Variants in ADGRL1 observed in about 807,000 individuals in gnomAD.
ADGRL1 encodes CIRL-1.
ADGRL1 carries 31 observed loss-of-function variants against 148.9 expected under a neutral mutation model. The observed-to-expected ratio is 0.21, with a 90% CI of 0.16 to 0.28. The LOEUF (loss-of-function observed/expected upper bound fraction) is 0.28. Among genes scored for constraint, ADGRL1 ranks in the 10% least tolerant of loss-of-function variants. The pLI is 1.00. For missense variants in ADGRL1, 1,521 were observed against 2,058.8 expected (o/e 0.74, Z 5.05); for synonymous variants, 937 against 900.3 (o/e 1.04, Z -0.73).
At position 14,162,825 on chromosome 19, in the gene ADGRL1, C is replaced by T. The variant is rs1969538100; in HGVS notation, c.976G>A (p.Val326Met). The stretch of plus-strand genomic sequence containing the variant: ...GCCTCGCTGTCATCATCCACGTACA[C>T]GGAACGCAGGACGTACAGGACCCCA... ...VCGVLYVLRS[V>M]YVDDDSEAAG... The change falls in exon 5 of 23, where the codon GTG becomes ATG. Residue 326 changes from valine (V) to methionine (M), a missense_variant. Val to Met is a conservative substitution (Grantham distance 21). This residue lies in a region of ADGRL1 where 334 missense variants were observed against 512.5 expected (regional missense o/e 0.65). Coordinates refer to ENST00000361434, the MANE Select transcript of ADGRL1 (RefSeq NM_014921.5). The surrounding 1 kb of genome is among the most constrained non-coding windows in gnomAD (Gnocchi z 5.4). 1.2e-5 allele frequency: 19 copies of T among 1,614,020 alleles called. No homozygotes were observed. The highest frequency in any genetic ancestry group is 1.6e-5 in the Non-Finnish European group (19 of 1,180,000).
intron 1 of ADGRL1, among the ~76,000 whole-genome samples, chr19:14,205,630 G>A (rs1184152170): frequency 1.3e-5 from 2 of 151,196 alleles, no homozygotes; most frequent in African/African-American, 4.9e-5. Context: ...GCACCGCCGC[G>A]CCGCTTCCCC....
At position 14,155,812 on chromosome 19, in the gene ADGRL1, A is replaced by G. The variant is rs892986250; in HGVS notation, c.3126-285T>C. 8.7e-5 allele frequency: 50 copies of G among 574,906 alleles called. No individual in the cohort carries two copies. The highest frequency in any genetic ancestry group is 3.7e-5 in the Non-Finnish European group (12 of 322,460). The allele number at this position is 574,906 out of a possible 1,614,324, so 35.6% of individuals were successfully genotyped here. On this transcript the variant is annotated intron_variant, in intron 17 of 22. Coordinates refer to ENST00000361434, the MANE Select transcript of ADGRL1 (RefSeq NM_014921.5). The surrounding 1 kb of genome is among the most constrained non-coding windows in gnomAD (Gnocchi z 5.0). ...GCTAAATTTCCAGACCACTTAGGCT[A>G]TATTTGCTGCCTATTTCTCTTTAAG... is the stretch of plus-strand genomic sequence containing the variant.
At chr19:14,171,709 G>A (rs780220140) in intron 3 of ADGRL1, among the ~76,000 whole-genome samples, 1 of 152,166 alleles carries the variant, frequency 6.6e-6, no homozygotes, top group African/African-American at 2.4e-5. Context: ...TATAGCCAGG[G>A]CAGCCAGGAG....
chr19:14,196,246 A>G (rs1351407649), intron 1 of ADGRL1, among the ~76,000 whole-genome samples: 1 of 152,212 alleles, frequency 6.6e-6, no homozygotes, highest in African/African-American at 2.4e-5. Context: ...CATCTAAGTC[A>G]GCCGCTTCCC....
At position 14,151,230 on chromosome 19, in the gene ADGRL1, G is replaced by A. The variant is rs748550303; in HGVS notation, c.4053C>T (p.Ser1351=). The A allele has an allele frequency of 3.7e-5, 60 of 1,612,050 alleles. No homozygotes were observed. The highest frequency in any genetic ancestry group is 5.0e-5 in the Admixed American group (3 of 60,008). ...LPRAQSVLYQ[S]DLDESESCTA... ...TGCAGCTCTCCGACTCGTCCAGATC[G>A]CTCTGGTACAGCACCGACTGGGCCC... is the stretch of plus-strand genomic sequence containing the variant. Residue 1351 remains serine (S), a synonymous_variant, in exon 23 of 23, where the codon AGC becomes AGT. Coordinates refer to ENST00000361434, the MANE Select transcript of ADGRL1 (RefSeq NM_014921.5).
chr19:14,163,316 G>A lies in ADGRL1; in HGVS notation c.485C>T (p.Pro162Leu), dbSNP rs1321291756. The change falls in exon 5 of 23, where the codon CCG becomes CTG. Residue 162 changes from proline (P) to leucine (L), a missense_variant. By Grantham distance (98) the Pro-to-Leu change is moderately conservative. Around this residue, in one of 8 missense-constraint regions of ADGRL1, gnomAD observed 334 missense variants for 512.5 expected, o/e 0.65. Transcript: ENST00000361434. Reference protein sequence around the residue: ...EHQSGAWCKDPLQAGDRIYVM... With the variant: ...EHQSGAWCKDLLQAGDRIYVM... The stretch of plus-strand genomic sequence containing the variant: ...GTAGATGCGGTCACCCGCCTGCAGC[G>A]GGTCCTTGCACCATGCGCCAGACTG... 11 of 1,613,142 alleles carry A rather than the reference G, an allele frequency of 6.8e-6. No individual in the cohort carries two copies. The highest frequency in any genetic ancestry group is 1.7e-5 in the Admixed American group (1 of 59,948).
intron 4 of ADGRL1, 30 bp from the exon 5 acceptor site, chr19:14,163,436 TAGGAG>T: frequency 7.3e-7 from 1 of 1,369,130 alleles, no homozygotes; most frequent in Non-Finnish European, 9.5e-7. Context: ...GGGGAGGAGG[TAGGAG>T]AGAAGGGGCA....
rs189352128 is a variant in ADGRL1, at chr19:14,161,870, G to A, written c.1196-244C>T. Among the ~76,000 whole-genome samples, 2 of 152,278 alleles carry A rather than the reference G, an allele frequency of 1.3e-5. No homozygotes were observed. Among genetic ancestry groups the A allele is most frequent in the African/African-American group, 2.4e-5 (1 of 41,534 alleles). ...AAAAATCCACGATGTGTACCATAAGGTCTGAGAGAACGGTCAGGGGAGAGG... is the reference window on the plus strand; with the variant it reads ...AAAAATCCACGATGTGTACCATAAGATCTGAGAGAACGGTCAGGGGAGAGG... On this transcript the variant is annotated intron_variant, in intron 5 of 22. Transcript: ENST00000361434. The surrounding 1 kb of genome is among the most constrained non-coding windows in gnomAD (Gnocchi z 4.4).
intron 1 of ADGRL1, among the ~76,000 whole-genome samples, chr19:14,190,663 G>C (rs1319304025): frequency 6.6e-6 from 1 of 152,208 alleles, no homozygotes; most frequent in African/African-American, 2.4e-5. Context: ...GCTCTACTCT[G>C]CTTCTACGAG....
At chr19:14,174,861 A>G (rs1244840129) in intron 3 of ADGRL1, among the ~76,000 whole-genome samples, 2 of 130,944 alleles carry the variant, frequency 1.5e-5, no homozygotes, top group Non-Finnish European at 3.2e-5. Context: ...TTTTTTTTAG[A>G]GACAGGGTCT....
intron 2 of ADGRL1, among the ~76,000 whole-genome samples, chr19:14,180,354 C>A (rs1971105080): frequency 6.6e-6 from 1 of 152,202 alleles, no homozygotes; most frequent in Non-Finnish European, 1.5e-5. Flanking sequence ...CTCCCAGGTT[C>A]AAGCGATTCT....
intron 1 of ADGRL1, among the ~76,000 whole-genome samples, chr19:14,184,824 C>T (rs962226346): frequency 5.9e-5 from 9 of 151,342 alleles, no homozygotes; most frequent in East Asian, 1.9e-4. Flanking sequence ...TATTTTTAGT[C>T]GAGATGGGGT....
At position 14,151,527 on chromosome 19, in the gene ADGRL1, C is replaced by T; in HGVS notation, c.3756G>A (p.Gly1252=). 6.2e-7 allele frequency: 1 copy of T among 1,611,276 alleles called. No homozygotes were observed. The highest frequency in any genetic ancestry group is 2.2e-5 in the East Asian group (1 of 44,862). The change falls in exon 23 of 23, where the codon GGG becomes GGA. Residue 1252 remains glycine (G), a synonymous_variant. Transcript: ENST00000361434. ...GGCCCCCATCCCCGGGAGGGAAATC[C>T]CCACTTCGCAAGGAGTAACTGTTAT... The part of the protein sequence containing the change: ...NFNNSYSLRS[G]DFPPGDGGPE...
intron 1 of ADGRL1, among the ~76,000 whole-genome samples, chr19:14,184,801 G>A (rs953287784): frequency 1.1e-4 from 17 of 151,486 alleles, no homozygotes; most frequent in African/African-American, 2.9e-4. Flanking sequence ...CAACACGCCC[G>A]GCTAATTTTT....
At chr19:14,171,834 G>T (rs1970493867) in intron 3 of ADGRL1, among the ~76,000 whole-genome samples, 1 of 152,236 alleles carries the variant, frequency 6.6e-6, no homozygotes, top group Non-Finnish European at 1.5e-5. Flanking sequence ...TAACAAAAAG[G>T]TGTGTCTCAT....
At chr19:14,158,697 C>T in intron 11 of ADGRL1, 145 bp from the exon 12 acceptor site, 2 of 663,884 alleles carry the variant, frequency 3.0e-6, no homozygotes, top group Non-Finnish European at 2.6e-6. Context: ...ATAGCCCAGG[C>T]AGGTGGGGGT....
intron 4 of ADGRL1, 81 bp downstream of exon 4, chr19:14,170,599 CAT>C (rs1970384156): frequency 1.1e-5 from 9 of 798,432 alleles, no homozygotes; most frequent in Admixed American, 4.2e-5. Context: ...CATGTGTGCA[CAT>C]GTGTGATGGG....
At chr19:14,171,831 A>C (rs565232328) in intron 3 of ADGRL1, among the ~76,000 whole-genome samples, 1 of 152,362 alleles carries the variant, frequency 6.6e-6, no homozygotes. Context: ...ATTTAACAAA[A>C]AGGTGTGTCT....
chr19:14,173,636 C>G (rs770578015), intron 3 of ADGRL1, among the ~76,000 whole-genome samples: 21 of 152,024 alleles, frequency 1.4e-4, no homozygotes, highest in Non-Finnish European at 2.2e-4. Context: ...TGGAGGCAGC[C>G]CAAACATCCA....
Sources: gnomAD v4.1 joint callset for allele counts (sites outside exome capture counted in the v4.1 genomes callset) on GRCh38, gnomAD v4.1.1 for gene constraint, gnomAD v4.1.1 regional missense constraint, Gnocchi (gnomAD v3.1) non-coding constraint, MANE v1.5 for transcripts, NCBI Gene and HGNC (gene_info 2026-07-23, HGNC 2026-07-21) for gene names.